Variants in ALMS1 observed in about 807,000 individuals in gnomAD.
The protein encoded by ALMS1 is ALMS1 centrosome and basal body associated protein, also known as centrosome-associated protein ALMS1.
ALMS1 carries 271 observed loss-of-function variants against 352.2 expected under a neutral mutation model. The observed-to-expected ratio is 0.77, with a 90% CI of 0.70 to 0.85. The LOEUF (loss-of-function observed/expected upper bound fraction) is 0.85, where lower values mean the gene tolerates loss of function less well. ALMS1 is among the 40% of genes least tolerant of loss of function. ALMS1 has a pLI of 0.00. For synonymous variants in ALMS1, 1,865 were observed against 1,761.2 expected (o/e 1.06, Z -1.48); for missense variants, 5,445 against 4,870.7 (o/e 1.12, Z -3.51).
intron 10 of ALMS1, among the ~76,000 whole-genome samples, chr2:73,496,322 A>G (rs1673106173): frequency 6.6e-6 from 1 of 152,204 alleles, no homozygotes; most frequent in Non-Finnish European, 1.5e-5. Context: ...AGAGTGTCAC[A>G]CAAATGGAAT....
At chr2:73,387,316 T>C (rs1162471549) in intron 1 of ALMS1, among the ~76,000 whole-genome samples, 1 of 152,252 alleles carries the variant, frequency 6.6e-6, no homozygotes, top group African/African-American at 2.4e-5. Context: ...GTGTTCATGG[T>C]CTAGACAGGG....
At chr2:73,418,549 G>A (rs781065956) in intron 2 of ALMS1, among the ~76,000 whole-genome samples, 1 of 152,178 alleles carries the variant, frequency 6.6e-6, no homozygotes, top group South Asian at 2.1e-4. Context: ...AATTTCCCAG[G>A]CAGCTGCAGA....
At chr2:73,526,603 T>C (rs1267509115) in intron 11 of ALMS1, among the ~76,000 whole-genome samples, 1 of 152,218 alleles carries the variant, frequency 6.6e-6, no homozygotes, top group African/African-American at 2.4e-5. Flanking sequence ...TGTTGACATA[T>C]AGAAATGTGA....
At chr2:73,424,356 T>G in intron 4 of ALMS1, 74 bp from the exon 5 acceptor site, 1 of 972,620 alleles carries the variant, frequency 1.0e-6, no homozygotes, top group Non-Finnish European at 1.5e-6. Context: ...GACATATGTA[T>G]TTTTGTGTTA....
At position 73,490,298 on chromosome 2, in the gene ALMS1, C is replaced by T. The variant is rs761903209; in HGVS notation, c.8339C>T (p.Ser2780Leu). 5 of 1,612,730 alleles carry T rather than the reference C, an allele frequency of 3.1e-6. No homozygotes were observed. Among genetic ancestry groups the T allele is most frequent in the East Asian group, 2.2e-5 (1 of 44,872 alleles). The change falls in exon 10 of 23, where the codon TCA becomes TTA. Residue 2780 changes from serine (S) to leucine (L), a missense_variant. Physicochemically the swap from Ser to Leu is moderately radical, Grantham distance 145 (BLOSUM62 -2). Coordinates refer to ENST00000613296, the MANE Select transcript of ALMS1 (RefSeq NM_001378454.1). ...TCATCATTTAAAATGCATAGTAATT[C>T]ACAAGATAAAGAAGTGACTATTTTA... ...SPSSFKMHSN[S>L]QDKEVTILAE...
At chr2:73,559,450 A>G (rs981450797) in intron 15 of ALMS1, among the ~76,000 whole-genome samples, 1 of 152,154 alleles carries the variant, frequency 6.6e-6, no homozygotes, top group Non-Finnish European at 1.5e-5. Flanking sequence ...GTCCCCAGAG[A>G]CAACCTTAAA....
chr2:73,572,381 GGAAA>G lies in ALMS1; in HGVS notation c.10507_10510del (p.Lys3503ValfsTer4). On this transcript the variant is annotated frameshift_variant, in exon 16 of 23. Transcript: ENST00000613296. LOFTEE classifies it high-confidence loss of function. Reference sequence around the variant, plus strand: ...TCAAGATATTTGCCATGAATCTTTGGGAAAGAGTGTTTTCATGAGACATTCTTGG... The same window carrying G: ...TCAAGATATTTGCCATGAATCTTTGGGAGTGTTTTCATGAGACATTCTTGG... 6.2e-7 allele frequency: 1 copy of G among 1,609,526 alleles called. No homozygotes were observed. The highest frequency in any genetic ancestry group is 8.5e-7 in the Non-Finnish European group (1 of 1,178,352).
chr2:73,514,053 T>C (rs1673507081), intron 10 of ALMS1, among the ~76,000 whole-genome samples: 1 of 152,170 alleles, frequency 6.6e-6, no homozygotes, highest in Non-Finnish European at 1.5e-5. Context: ...GCTTATTTTT[T>C]GTTACTTTGT....
At chr2:73,550,516 C>T in intron 13 of ALMS1, 79 bp downstream of exon 13, 1 of 1,559,040 alleles carries the variant, frequency 6.4e-7, no homozygotes, top group African/African-American at 1.4e-5. Flanking sequence ...CAATCTTTAT[C>T]CTTTTTTTCT....
At chr2:73,580,394 C>T (rs565443806) in intron 16 of ALMS1, among the ~76,000 whole-genome samples, 87 of 152,138 alleles carry the variant, frequency 5.7e-4, no homozygotes, top group Non-Finnish European at 1.1e-3. Context: ...TACTTTTCAG[C>T]TTCATATTTT....
At chr2:73,571,594 T>G (rs1212457598) in intron 15 of ALMS1, among the ~76,000 whole-genome samples, 3 of 152,134 alleles carry the variant, frequency 2.0e-5, no homozygotes, top group Non-Finnish European at 4.4e-5. Flanking sequence ...ATATTGGGGA[T>G]TATGTTTCAA....
chr2:73,550,400 GC>G lies in ALMS1; in HGVS notation c.10043del (p.Pro3348GlnfsTer19), dbSNP rs1553416233. 6.2e-7 allele frequency: 1 copy of G among 1,614,136 alleles called. No homozygotes were observed. Among genetic ancestry groups the G allele is most frequent in the Non-Finnish European group, 8.5e-7 (1 of 1,180,006 alleles). ...AGAGGGTAGTGACTAAGGCATCCTT[GC>G]CAGTGGGAGAAAAACCCTTGCAGAA... ...SKRVVTKASL[P>X]VGEKPLQNEN... On this transcript the variant is annotated frameshift_variant, in exon 13 of 23. Coordinates refer to ENST00000613296, the MANE Select transcript of ALMS1 (RefSeq NM_001378454.1). LOFTEE classifies it high-confidence loss of function.
intron 12 of ALMS1, among the ~76,000 whole-genome samples, chr2:73,541,406 C>A (rs184050199): frequency 1.9e-4 from 29 of 152,226 alleles, no homozygotes; most frequent in East Asian, 1.3e-3. Flanking sequence ...ACTAAATGCC[C>A]ACAAGAGAAA....
intron 10 of ALMS1, among the ~76,000 whole-genome samples, chr2:73,495,804 C>A (rs1213869382): frequency 6.6e-6 from 1 of 152,132 alleles, no homozygotes; most frequent in African/African-American, 2.4e-5. Flanking sequence ...TTTCCCCTTT[C>A]TTTATTTGTA....
In ALMS1 at chr2:73,455,279, C is replaced by G. The variant is rs780854777; in HGVS notation, c.7658C>G (p.Thr2553Arg). ...IKAELFGHGR[T>R]TDLSKGLQSP... ...GCAGAGTTATTTGGTCATGGAAGAA[C>G]AACTGACTTGTCCAAGGTATAAAAG... The change falls in exon 9 of 23, where the codon ACA becomes AGA. Residue 2553 changes from threonine to arginine, a missense_variant. Transcript: ENST00000613296. 6.2e-7 allele frequency: 1 copy of G among 1,614,040 alleles called. No homozygotes were observed. The highest frequency in any genetic ancestry group is 8.5e-7 in the Non-Finnish European group (1 of 1,179,992).
chr2:73,429,137 T>A (rs1488759851), intron 6 of ALMS1, among the ~76,000 whole-genome samples: 1 of 152,200 alleles, frequency 6.6e-6, no homozygotes, highest in South Asian at 2.1e-4. Flanking sequence ...GTAAGTTATG[T>A]AGCATTTATA....
At chr2:73,416,586 A>G (rs1671185327) in intron 2 of ALMS1, among the ~76,000 whole-genome samples, 1 of 152,204 alleles carries the variant, frequency 6.6e-6, no homozygotes, top group Non-Finnish European at 1.5e-5. Context: ...AAATATTTGT[A>G]AATTGTAATA....
chr2:73,586,002 C>T (rs772123714), intron 16 of ALMS1, among the ~76,000 whole-genome samples: 10 of 152,044 alleles, frequency 6.6e-5, no homozygotes, highest in Non-Finnish European at 1.3e-4. Context: ...TCAAGTGATC[C>T]ACCTGCCTCG....
intron 6 of ALMS1, 129 bp downstream of exon 6, chr2:73,426,682 G>A: frequency 1.1e-6 from 1 of 911,928 alleles, no homozygotes; most frequent in South Asian, 1.4e-5. Context: ...CATTTGACTG[G>A]TGAGTACATT....
Sources: gnomAD v4.1 joint callset for allele counts (sites outside exome capture counted in the v4.1 genomes callset) on GRCh38, gnomAD v4.1.1 for gene constraint, MANE v1.5 for transcripts, NCBI Gene and HGNC (gene_info 2026-07-23, HGNC 2026-07-21) for gene names.